The following CNTNAP3 variants were observed in gnomAD, a reference collection of about 807,000 sequenced individuals.
CNTNAP3 encodes contactin associated protein family member 3.
Under a neutral mutation model 92.1 loss-of-function variants are expected in CNTNAP3, and 36 were observed. The observed-to-expected ratio is 0.39, with a 90% CI of 0.30 to 0.52. The LOEUF is 0.52. CNTNAP3 is among the 20% of genes least tolerant of loss of function. CNTNAP3 has a pLI of 0.76. For missense variants in CNTNAP3, 534 were observed against 1,069.6 expected, an observed-to-expected ratio of 0.50 and a Z score of 6.98; for synonymous variants, 232 against 422.3, an observed-to-expected ratio of 0.55 and a Z score of 5.53.
At chr9:39,118,323 G>C in intron 13 of CNTNAP3, 64 bp from the exon 14 acceptor site, 2 of 1,599,282 alleles carry the variant, frequency 1.3e-6, no homozygotes, top group Non-Finnish European at 1.7e-6. Flanking sequence ...TCCCCATATA[G>C]CTCCCTTTAC....
At chr9:39,088,932 T>G (rs553572888) in intron 18 of CNTNAP3, among the ~76,000 whole-genome samples, 2 of 152,382 alleles carry the variant, frequency 1.3e-5, no homozygotes, top group South Asian at 4.1e-4. Flanking sequence ...ATATAACTAA[T>G]TCTTCAGTAT....
intron 18 of CNTNAP3, among the ~76,000 whole-genome samples, chr9:39,099,174 T>C (rs1826393804): frequency 6.6e-6 from 1 of 152,086 alleles, no homozygotes; most frequent in Admixed American, 6.5e-5. Flanking sequence ...CAGGCTGGTC[T>C]TGAATTCCTG....
In CNTNAP3 at chr9:39,078,706, TC is replaced by T. The variant is rs1825850357; in HGVS notation, c.3656del (p.Arg1219HisfsTer32). 6.5e-7 allele frequency: 1 copy of T among 1,530,726 alleles called. No individual in the cohort carries two copies. Among genetic ancestry groups the T allele is most frequent in the Non-Finnish European group, 8.8e-7 (1 of 1,142,428 alleles). The allele number at this position is 1,530,726 out of a possible 1,614,324, so 94.8% of individuals were successfully genotyped here. On this transcript the variant is annotated frameshift_variant, in exon 22 of 24. Transcript: ENST00000297668. LOFTEE classifies it high-confidence loss of function. Reference sequence around the variant, plus strand: ...GCCACACACCTGCGCCCCCCGCGAGTCGGGGAGCCAGTTCCCGCGCCGGGGA... The same window carrying T: ...GCCACACACCTGCGCCCCCCGCGAGTGGGGAGCCAGTTCCCGCGCCGGGGA... ...SGSPARELAP[R>X]LAGGAGRSGP...
Position 39,100,089 on chromosome 9 carries a change from C to A in CNTNAP3, c.2817G>T (p.Gly939=). 2 of 1,582,466 alleles carry A rather than the reference C, an allele frequency of 1.3e-6. No individual in the cohort carries two copies. Among genetic ancestry groups the A allele is most frequent in the Non-Finnish European group, 1.7e-6 (2 of 1,162,482 alleles). Residue 939 remains glycine (G), a synonymous_variant, in exon 18 of 24, where the codon GGG becomes GGT. Coordinates refer to ENST00000297668, the MANE Select transcript of CNTNAP3 (RefSeq NM_033655.5). ...CTCTTTCTTCCAGATCCAGGGCCAC[C>A]CCGTTCAACTGCAGAGACCGAATGC... is the stretch of plus-strand genomic sequence containing the variant. ...LGCIRSLQLN[G]VALDLEERAT... is the part of the protein sequence containing the mutation.
intron 18 of CNTNAP3, among the ~76,000 whole-genome samples, chr9:39,088,877 T>A (rs916983567): frequency 2.2e-4 from 33 of 151,994 alleles, no homozygotes; most frequent in African/African-American, 7.5e-4. Context: ...GACTAACACT[T>A]AATAGAGATT....
Position 39,109,096 on chromosome 9 carries a change from G to A in CNTNAP3, c.2365+64C>T, listed in dbSNP as rs576623790. 386 of 1,555,800 alleles carry A rather than the reference G, an allele frequency of 2.5e-4. 1 individual carries two copies. The African/African-American group carries it at 4.9e-3, about 20-fold the overall frequency. On this transcript the variant is annotated intron_variant, in intron 15 of 23. Coordinates refer to ENST00000297668, the MANE Select transcript of CNTNAP3 (RefSeq NM_033655.5). ...CTTTCTGGCAAGAACAAGGGCATTT[G>A]TCTACTCTTTTATAACCAAAAAAAG...
At chr9:39,138,440 G>A (rs1821494190) in intron 12 of CNTNAP3, among the ~76,000 whole-genome samples, 1 of 152,148 alleles carries the variant, frequency 6.6e-6, no homozygotes, top group Admixed American at 6.5e-5. Flanking sequence ...GGCAGGTTAG[G>A]CTCTGAAAAC....
In CNTNAP3 at chr9:39,145,602, G is replaced by A. The variant is rs1260486718; in HGVS notation, c.1650-1256C>T. 3.4e-4 allele frequency among the ~76,000 whole-genome samples: 47 copies of A among 137,286 alleles called. 3 individuals carry two copies. Among genetic ancestry groups the A allele is most frequent in the Admixed American group, 2.0e-3 (29 of 14,366 alleles). 90.1% of individuals were successfully genotyped at this position (137,286 alleles called of 152,430 possible). A position where few individuals can be genotyped will look rare whatever the true frequency, so the allele number is the denominator to read the frequency against. ...GAACCTGAGGGGCTGGGAAGAATCC[G>A]CAGCATTCCCTACCCTCCCCATGCC... On this transcript the variant is annotated intron_variant, in intron 10 of 23. Coordinates refer to ENST00000297668, the MANE Select transcript of CNTNAP3 (RefSeq NM_033655.5).
Position 39,068,860 on chromosome 9 carries a change from C to G in CNTNAP3, c.*5030G>C, listed in dbSNP as rs1172628841. Among the ~76,000 whole-genome samples the G allele has an allele frequency of 2.0e-5, 3 of 152,384 alleles. No individual in the cohort carries two copies. Among genetic ancestry groups the G allele is most frequent in the African/African-American group, 7.2e-5 (3 of 41,574 alleles). On this transcript the variant is annotated 3_prime_UTR_variant, in exon 24 of 24. Coordinates refer to ENST00000297668, the MANE Select transcript of CNTNAP3 (RefSeq NM_033655.5). ...TGTCTTTCAGGGATTACATTCCGTGCCTCATGTCCAGTGTACTGAAAACCA... is the reference window on the plus strand; with the variant it reads ...TGTCTTTCAGGGATTACATTCCGTGGCTCATGTCCAGTGTACTGAAAACCA...
Position 39,132,994 on chromosome 9 carries a change from G to T in CNTNAP3, c.2018C>A (p.Ala673Glu). 3.2e-6 allele frequency: 5 copies of T among 1,540,378 alleles called. No homozygotes were observed. The highest frequency in any genetic ancestry group is 4.3e-6 in the Non-Finnish European group (5 of 1,151,578). Residue 673 changes from alanine to glutamate, a missense_variant, in exon 13 of 24, where the codon GCG becomes GAG. Coordinates refer to ENST00000297668, the MANE Select transcript of CNTNAP3 (RefSeq NM_033655.5). Reference protein sequence around the residue: ...AGQLRSAVNLAERCEQRLALR... With the variant: ...AGQLRSAVNLEERCEQRLALR... ...AGCCAGCCGCTGCTCGCAGCGCTCC[G>T]CCAGGTTCACCGCGGACCGCAGCTG...
rs545748140 is a variant in CNTNAP3 at position 39,123,143 on chromosome 9, G to A, written c.2081-4884C>T. On this transcript the variant is annotated intron_variant, in intron 13 of 23. Transcript: ENST00000297668. ...GGAGTCTCTCTCTGTCGCCCAGGCT[G>A]GAGTGCAGTGGTGCAATCTCGGCTC... Among the ~76,000 whole-genome samples the A allele has an allele frequency of 3.8e-3, 544 of 144,336 alleles. 2 individuals are homozygous for A. Among genetic ancestry groups the A allele is most frequent in the African/African-American group, 0.014 (518 of 38,186 alleles). The allele number at this position is 144,336 out of a possible 152,430, so 94.7% of individuals were successfully genotyped here.
intron 3 of CNTNAP3, among the ~76,000 whole-genome samples, chr9:39,209,690 CCCTT>C (rs1342894034): frequency 7.5e-3 from 62 of 8,274 alleles, no homozygotes; most frequent in African/African-American, 9.8e-3. Context: ...GCCCCTTCCT[CCCTT>C]CCTTCCTTCC....
At chr9:39,142,597 G>A (rs1271105276) in intron 11 of CNTNAP3, among the ~76,000 whole-genome samples, 3 of 151,736 alleles carry the variant, frequency 2.0e-5, no homozygotes, top group Non-Finnish European at 2.9e-5. Flanking sequence ...GCGTGAACCC[G>A]GGAGGCAGAA....
chr9:39,064,926 C>T lies in CNTNAP3; in HGVS notation c.*8964G>A, dbSNP rs1825479318. On this transcript the variant is annotated 3_prime_UTR_variant, in exon 24 of 24. Transcript: ENST00000297668. ...TATGGTATGATAGAAATATAATATG[C>T]TGTGAAGTGATAGACATCATGACAT... Among the ~76,000 whole-genome samples the T allele has an allele frequency of 6.6e-6, 1 of 152,118 alleles. No homozygotes were observed. Among genetic ancestry groups the T allele is most frequent in the Middle Eastern group, 3.4e-3 (1 of 294 alleles).
intron 14 of CNTNAP3, among the ~76,000 whole-genome samples, chr9:39,113,146 A>C (rs1820752032): frequency 6.6e-6 from 1 of 152,084 alleles, no homozygotes; most frequent in South Asian, 2.1e-4. Context: ...TAATATAAAC[A>C]ACCTTCCTCT....
intron 1 of CNTNAP3, among the ~76,000 whole-genome samples, chr9:39,267,725 CT>C (rs1822906417): frequency 9.7e-5 from 1 of 10,320 alleles, no homozygotes; most frequent in Admixed American, 9.2e-4. Context: ...CAGAGGGTTT[CT>C]GGCTTGCTGC....
At chr9:39,140,776 T>C in intron 11 of CNTNAP3, 138 bp from the exon 12 acceptor site, 1 of 1,255,112 alleles carries the variant, frequency 8.0e-7, no homozygotes, top group Non-Finnish European at 1.0e-6. Flanking sequence ...TGACAGTATA[T>C]TTGATGAGAT....
At chr9:39,121,179 A>G (rs1391805991) in intron 13 of CNTNAP3, among the ~76,000 whole-genome samples, 4 of 152,104 alleles carry the variant, frequency 2.6e-5, no homozygotes, top group Non-Finnish European at 4.4e-5. Flanking sequence ...ACTCACTTCA[A>G]AATAAACATA....
chr9:39,152,406 A>G lies in CNTNAP3; in HGVS notation c.1478-2429T>C, dbSNP rs186712447. Among the ~76,000 whole-genome samples, 349 of 138,046 alleles carry G rather than the reference A, an allele frequency of 2.5e-3. 18 individuals carry two copies. Among genetic ancestry groups the G allele is most frequent in the African/African-American group, 9.4e-3 (337 of 35,972 alleles). 90.6% of individuals were successfully genotyped at this position (138,046 alleles called of 152,430 possible). ...TTTGTTTAAAAGTTTGAAGACTAAA[A>G]TCTTTTATATTTTTATATTTACAAA... is the stretch of plus-strand genomic sequence containing the variant. On this transcript the variant is annotated intron_variant, in intron 9 of 23. Transcript: ENST00000297668.
Sources: allele counts gnomAD v4.1 joint callset (sites outside exome capture counted in the v4.1 genomes callset), GRCh38; gene constraint gnomAD v4.1.1; transcripts MANE v1.5; gene names NCBI Gene and HGNC (gene_info 2026-07-23, HGNC 2026-07-21).